GRID2IP: variants seen among roughly 807,000 people sequenced by gnomAD.
The protein encoded by GRID2IP is delphilin.
Under a neutral mutation model 114.3 loss-of-function variants are expected in GRID2IP, and 78 were observed. That is an observed-to-expected ratio of 0.68 (90% CI 0.57 to 0.82). GRID2IP has a LOEUF of 0.82. Ranked by LOEUF, GRID2IP falls within the 40% of genes least tolerant of loss-of-function variation. The pLI, the probability that GRID2IP is intolerant of heterozygous loss-of-function variation, is 0.00. For missense variants in GRID2IP, 1,727 were observed against 1,678.5 expected, an observed-to-expected ratio of 1.03 and a Z score of -0.51; for synonymous variants, 809 against 724.0, an observed-to-expected ratio of 1.12 and a Z score of -1.89.
Position 6,526,109 on chromosome 7 carries a change from A to G in GRID2IP, c.919+115T>C. On this transcript the variant is annotated intron_variant, in intron 4 of 21. Coordinates refer to ENST00000457091, the MANE Select transcript of GRID2IP (RefSeq NM_001145118.2). The surrounding 1 kb of genome is among the most constrained non-coding windows in gnomAD (Gnocchi z 7.6). The stretch of plus-strand genomic sequence containing the variant: ...TACACAAGGATGGTACCTGACGTGG[A>G]GGGGTTGCTGAGCAGGAGCCTACAT... 1 of 753,394 alleles carries G rather than the reference A, an allele frequency of 1.3e-6. No homozygotes were observed. The highest frequency in any genetic ancestry group is 2.3e-6 in the Non-Finnish European group (1 of 433,458). 46.7% of individuals were successfully genotyped at this position (753,394 alleles called of 1,614,324 possible).
rs1209985591 is a variant in GRID2IP at position 6,521,162 on chromosome 7, A to C, written c.1084+267T>G. On this transcript the variant is annotated intron_variant, in intron 6 of 21. Transcript: ENST00000457091. The surrounding 1 kb of genome is among the most constrained non-coding windows in gnomAD (Gnocchi z 4.1). ...GTTTTTGTATTTTTAGTAGAGACAG[A>C]GTTGTGCCATGTTGCTCAGACTGGT... Among the ~76,000 whole-genome samples, 2 of 151,876 alleles carry C rather than the reference A, an allele frequency of 1.3e-5. No homozygotes were observed. The highest frequency in any genetic ancestry group is 2.4e-5 in the African/African-American group (1 of 41,350).
chr7:6,511,117 G>A (rs1201186025), intron 8 of GRID2IP, 78 bp from the exon 9 acceptor site: 2 of 1,318,534 alleles, frequency 1.5e-6, no homozygotes, highest in Non-Finnish European at 9.7e-7. Flanking sequence ...GGAGGGGAGG[G>A]CAGATGTCAT....
Position 6,501,379 on chromosome 7 carries a change from C to T in GRID2IP, c.3399+402G>A, listed in dbSNP as rs180939149. The stretch of plus-strand genomic sequence containing the variant: ...AAATAAATAAAATTAAACAAACAAA[C>T]AAATAAATAAATAAATAAATAAATT... On this transcript the variant is annotated intron_variant, in intron 20 of 21. Transcript: ENST00000457091. Among the ~76,000 whole-genome samples, 9 of 152,024 alleles carry T rather than the reference C, an allele frequency of 5.9e-5. No individual in the cohort carries two copies. The East Asian group carries it at 7.7e-4, about 13-fold the overall frequency.
intron 1 of GRID2IP, among the ~76,000 whole-genome samples, chr7:6,540,480 TTTTA>T (rs1185303494): frequency 1.3e-5 from 2 of 151,664 alleles, no homozygotes; most frequent in African/African-American, 2.4e-5. Context: ...AGTATCTTCA[TTTTA>T]TTTATTTATT....
intron 20 of GRID2IP, 136 bp from the exon 21 acceptor site, chr7:6,498,364 A>T: frequency 1.3e-6 from 1 of 770,598 alleles, no homozygotes. Flanking sequence ...CCTGTGTCCA[A>T]CAGGGAACCA....
chr7:6,544,678 C>A (rs1175663034), intron 1 of GRID2IP, among the ~76,000 whole-genome samples: 1 of 152,182 alleles, frequency 6.6e-6, no homozygotes, highest in Non-Finnish European at 1.5e-5. Context: ...AAGCTGGGCA[C>A]AGCAGCTCAT....
chr7:6,530,267 G>GT (rs113338408), intron 2 of GRID2IP, among the ~76,000 whole-genome samples: 37 of 150,026 alleles, frequency 2.5e-4, no homozygotes, highest in Non-Finnish European at 5.2e-4. Context: ...CTTTTTTGTT[G>GT]TTGTTTGTTT....
chr7:6,539,745 G>A lies in GRID2IP; in HGVS notation c.557C>T (p.Ala186Val). The A allele has an allele frequency of 1.3e-6, 2 of 1,549,718 alleles. No individual in the cohort carries two copies. The highest frequency in any genetic ancestry group is 2.2e-4 in the Middle Eastern group (1 of 4,620). ...GAGGTTGTCCAGGAGTGGCCCGCAG[G>A]CCTCTCGGGGCAGCGCCAGGGTGAG... Reference protein sequence around the residue: ...WTLTLALPREACGPLLDNLRI... With the variant: ...WTLTLALPREVCGPLLDNLRI... Residue 186 changes from alanine to valine, a missense_variant, in exon 2 of 22, where the codon GCC becomes GTC. Physicochemically the swap from Ala to Val is moderately conservative, Grantham distance 64. Coordinates refer to ENST00000457091, the MANE Select transcript of GRID2IP (RefSeq NM_001145118.2).
Position 6,521,518 on chromosome 7 carries a change from C to G in GRID2IP, c.995G>C (p.Cys332Ser), listed in dbSNP as rs755624724. 8 of 1,543,118 alleles carry G rather than the reference C, an allele frequency of 5.2e-6. No homozygotes were observed. Among genetic ancestry groups the G allele is most frequent in the Non-Finnish European group, 7.0e-6 (8 of 1,142,710 alleles). The change falls in exon 6 of 22, where the codon TGC (cysteine) becomes TCC (serine). Residue 332 changes from cysteine (C) to serine (S), a missense_variant. Transcript: ENST00000457091. This position sits in a 1 kb window ranked among gnomAD's most constrained non-coding sequence, Gnocchi z 4.1. ...CATGGACACCACCTTGTCGTGGGAG[C>G]AGTTCCTGCCAAGCAGAGATGGCCC... is the stretch of plus-strand genomic sequence containing the variant. ...LFLNGLDMRN[C>S]SHDKVVSMLQ...
In GRID2IP at chr7:6,536,253, G is replaced by GAATGTTA. The variant is rs1779720367; in HGVS notation, c.584+3464_584+3465insTAACATT. Among the ~76,000 whole-genome samples the GAATGTTA allele has an allele frequency of 6.6e-6, 1 of 152,224 alleles. No homozygotes were observed. The highest frequency in any genetic ancestry group is 1.5e-5 in the Non-Finnish European group (1 of 68,032). On this transcript the variant is annotated intron_variant, in intron 2 of 21. Coordinates refer to ENST00000457091, the MANE Select transcript of GRID2IP (RefSeq NM_001145118.2). The surrounding 1 kb of genome is among the most constrained non-coding windows in gnomAD (Gnocchi z 5.3). ...CATTCTCCTTGCGGAGCCCAGCTGG[G>GAATGTTA]CGCCGCCCCTTCCTCCAGCAGCCTC...
intron 15 of GRID2IP, among the ~76,000 whole-genome samples, chr7:6,503,994 G>C (rs1786499440): frequency 6.6e-6 from 1 of 151,162 alleles, no homozygotes; most frequent in Non-Finnish European, 1.5e-5. Context: ...GGCAGGAAGG[G>C]GGCGGGGCTT....
At chr7:6,502,478 G>T (rs1786444124) in intron 18 of GRID2IP, among the ~76,000 whole-genome samples, 1 of 152,094 alleles carries the variant, frequency 6.6e-6, no homozygotes, top group South Asian at 2.1e-4. Flanking sequence ...GGCCTCCAAA[G>T]TGCCGGGATT....
At chr7:6,525,826 C>G (rs148311557) in intron 4 of GRID2IP, among the ~76,000 whole-genome samples, 31 of 152,202 alleles carry the variant, frequency 2.0e-4, no homozygotes, top group Non-Finnish European at 3.1e-4. Context: ...CCATGAAGCT[C>G]GTGTTGCTGG....
chr7:6,539,970 G>A (rs1473511217), intron 1 of GRID2IP, 98 bp from the exon 2 acceptor site: 10 of 1,156,244 alleles, frequency 8.6e-6, no homozygotes, highest in Middle Eastern at 2.2e-4. Flanking sequence ...TTACCTACAC[G>A]GGATGGCTGA....
At chr7:6,502,745 G>T in intron 18 of GRID2IP, 41 bp downstream of exon 18, 1 of 1,444,266 alleles carries the variant, frequency 6.9e-7, no homozygotes. Context: ...CGCCTTGCTG[G>T]TAGAGCAAAC....
At chr7:6,540,478 C>T (rs984034943) in intron 1 of GRID2IP, among the ~76,000 whole-genome samples, 18 of 151,672 alleles carry the variant, frequency 1.2e-4, no homozygotes, top group African/African-American at 4.4e-4. Flanking sequence ...TTAGTATCTT[C>T]ATTTTATTTA....
intron 14 of GRID2IP, among the ~76,000 whole-genome samples, chr7:6,505,082 G>A (rs1254689553): frequency 6.6e-6 from 1 of 152,110 alleles, no homozygotes; most frequent in Non-Finnish European, 1.5e-5. Context: ...TGCACTCCCC[G>A]TGCTGCAGGA....
intron 2 of GRID2IP, among the ~76,000 whole-genome samples, chr7:6,527,472 C>T (rs1779537195): frequency 6.6e-6 from 1 of 152,220 alleles, no homozygotes; most frequent in African/African-American, 2.4e-5. Context: ...CAGGAACTGG[C>T]GTTCAAAGCT....
Position 6,497,851 on chromosome 7 carries a change from G to C in GRID2IP, c.3565-6C>G. The C allele has an allele frequency of 6.5e-7, 1 of 1,549,164 alleles. No individual in the cohort carries two copies. Among genetic ancestry groups the C allele is most frequent in the South Asian group, 1.2e-5 (1 of 83,898 alleles). On this transcript the variant is annotated splice_region_variant and splice_polypyrimidine_tract_variant and intron_variant, in intron 21 of 21. Transcript: ENST00000457091. The stretch of plus-strand genomic sequence containing the variant: ...TGCAGGTCACTCAGCGCTCGCTGGG[G>C]AGGGGGAACACAGAGGTAGGGTGGT...
Sources: gnomAD v4.1 joint callset for allele counts (sites outside exome capture counted in the v4.1 genomes callset) on GRCh38, gnomAD v4.1.1 for gene constraint, Gnocchi (gnomAD v3.1) non-coding constraint, MANE v1.5 for transcripts, NCBI Gene and HGNC (gene_info 2026-07-23, HGNC 2026-07-21) for gene names.